The following RTCB variants were observed in gnomAD, a reference collection of about 807,000 sequenced individuals.
RTCB encodes RNA 2',3'-cyclic phosphate and 5'-OH ligase, also known as RNA-splicing ligase RTCB.
Under a neutral mutation model 58.2 loss-of-function variants are expected in RTCB, and 32 were observed. The observed-to-expected ratio is 0.55, with a 90% confidence interval of 0.41 to 0.74. The LOEUF is 0.74. Among genes scored for constraint, RTCB ranks in the 30% least tolerant of loss-of-function variants. The probability of loss-of-function intolerance (pLI) is 0.00; values close to 1 mark genes in which losing one functional copy is unlikely to be tolerated. For missense variants in RTCB, 523 were observed against 639.0 expected (o/e 0.82, Z 1.96); for synonymous variants, 247 against 218.6 (o/e 1.13, Z -1.15).
chr22:32,396,150 T>C lies in RTCB; in HGVS notation c.914A>G (p.Asp305Gly). ...AGCAGCTGCCATTCCCTTCAGATAGTCTTGACCCTCTGGGGAAGCGATTCG... is the reference window on the plus strand; with the variant it reads ...AGCAGCTGCCATTCCCTTCAGATAGCCTTGACCCTCTGGGGAAGCGATTCG... ...CARIASPEGQ[D>G]YLKGMAAAGN... The change falls in exon 8 of 12, where the codon GAC becomes GGC. Residue 305 changes from aspartate (D) to glycine (G), a missense_variant. By Grantham distance (94) the Asp-to-Gly change is moderately conservative. Transcript: ENST00000216038. 2 of 1,614,150 alleles carry C rather than the reference T, an allele frequency of 1.2e-6. No homozygotes were observed. The highest frequency in any genetic ancestry group is 1.7e-6 in the Non-Finnish European group (2 of 1,180,030).
At chr22:32,407,398 A>G (rs1486431796) in intron 3 of RTCB, 2 of 152,996 alleles carry the variant, frequency 1.3e-5, no homozygotes, top group Non-Finnish European at 2.9e-5. Flanking sequence ...TCCATTTTCA[A>G]CATCTACCTC....
intron 11 of RTCB, among the ~76,000 whole-genome samples, chr22:32,389,357 C>T (rs1288272447): frequency 6.6e-6 from 1 of 152,194 alleles, no homozygotes; most frequent in Non-Finnish European, 1.5e-5. Context: ...CTAACTTTAT[C>T]TTCCCCACAT....
At position 32,412,235 on chromosome 22, in the gene RTCB, G is replaced by A. The variant is rs988474507; in HGVS notation, c.-79C>T. ...GCGTAGTCCGGCTTCTCAGAGCACCGCCTTCCAAGAACCAAAGCGCAGGCG... is the reference window on the plus strand; with the variant it reads ...GCGTAGTCCGGCTTCTCAGAGCACCACCTTCCAAGAACCAAAGCGCAGGCG... On this transcript the variant is annotated 5_prime_UTR_variant, in exon 1 of 12. Transcript: ENST00000216038. The A allele has an allele frequency of 8.8e-6, 11 of 1,246,674 alleles. No homozygotes were observed. The African/African-American group carries it at 1.1e-4, about 12-fold the overall frequency. The allele number at this position is 1,246,674 out of a possible 1,614,324, so 77.2% of individuals were successfully genotyped here. A position where few individuals can be genotyped will look rare whatever the true frequency, so the allele number is the denominator to read the frequency against.
intron 11 of RTCB, among the ~76,000 whole-genome samples, chr22:32,391,315 A>C (rs554067798): frequency 2.0e-5 from 3 of 152,354 alleles, no homozygotes; most frequent in East Asian, 3.9e-4. Context: ...AATTTTAAAA[A>C]TAACTACAGA....
In RTCB at chr22:32,412,220, G is replaced by T; in HGVS notation, c.-64C>A. 7.4e-7 allele frequency: 1 copy of T among 1,351,492 alleles called. No homozygotes were observed. Among genetic ancestry groups the T allele is most frequent in the Non-Finnish European group, 1.0e-6 (1 of 975,366 alleles). The allele number at this position is 1,351,492 out of a possible 1,614,324, so 83.7% of individuals were successfully genotyped here. A position where few individuals can be genotyped will look rare whatever the true frequency, so the allele number is the denominator to read the frequency against. On this transcript the variant is annotated 5_prime_UTR_variant, in exon 1 of 12. Transcript: ENST00000216038. ...TGAAGAGCCGCTGCCGCGTAGTCCG[G>T]CTTCTCAGAGCACCGCCTTCCAAGA... is the stretch of plus-strand genomic sequence containing the variant.
chr22:32,388,294 CT>C (rs774684219), intron 11 of RTCB, among the ~76,000 whole-genome samples, 195 bp from the exon 12 acceptor site: 102 of 146,156 alleles, frequency 7.0e-4, no homozygotes, highest in Admixed American at 1.0e-3. Flanking sequence ...ACACTTTCAC[CT>C]TTTTTTTTTT....
chr22:32,394,223 T>C (rs903034020), intron 9 of RTCB, among the ~76,000 whole-genome samples: 3 of 152,026 alleles, frequency 2.0e-5, no homozygotes, highest in Non-Finnish European at 2.9e-5. Flanking sequence ...GCCATTCTCT[T>C]GCCTCAGCCT....
At chr22:32,401,952 C>G in intron 4 of RTCB, 49 bp from the exon 5 acceptor site, 1 of 1,579,782 alleles carries the variant, frequency 6.3e-7, no homozygotes, top group Non-Finnish European at 8.7e-7. Context: ...GGCACTGTTA[C>G]CTGCAGTTTC....
chr22:32,409,385 T>C (rs1361371252), intron 1 of RTCB, among the ~76,000 whole-genome samples: 1 of 152,248 alleles, frequency 6.6e-6, no homozygotes, highest in Non-Finnish European at 1.5e-5. Flanking sequence ...AGCTACGTAG[T>C]TGTGTGCTCA....
intron 4 of RTCB, among the ~76,000 whole-genome samples, chr22:32,402,715 C>T (rs986178674): frequency 6.6e-6 from 1 of 152,088 alleles, no homozygotes; most frequent in African/African-American, 2.4e-5. Context: ...TCCTAAAGTG[C>T]TGGGATTACA....
intron 1 of RTCB, among the ~76,000 whole-genome samples, chr22:32,411,596 T>C (rs1279047677): frequency 6.6e-6 from 1 of 152,200 alleles, no homozygotes; most frequent in African/African-American, 2.4e-5. Context: ...CAACATGCGA[T>C]ACTGAATGCT....
rs1933437254 is a variant in RTCB, at chr22:32,407,033, AAC to A, written c.241-274_241-273del. On this transcript the variant is annotated intron_variant, in intron 3 of 11. Coordinates refer to ENST00000216038, the MANE Select transcript of RTCB (RefSeq NM_014306.5). Reference sequence around the variant, plus strand: ...CCTCAAAATAACATGATATAGGAGTAACACATACTAAGTTTAATGTACTATTA... The same window carrying A: ...CCTCAAAATAACATGATATAGGAGTAACATACTAAGTTTAATGTACTATTA... Among the ~76,000 whole-genome samples, 4 of 152,184 alleles carry A rather than the reference AAC, an allele frequency of 2.6e-5. No homozygotes were observed. In the East Asian group the frequency reaches 7.7e-4, roughly 29 times the overall value.
In RTCB at chr22:32,412,082, G is replaced by C. The variant is rs1277249146; in HGVS notation, c.75C>G (p.Gly25=). The change falls in exon 1 of 12, where the codon GGC becomes GGG. Residue 25 remains glycine (G), a synonymous_variant. Coordinates refer to ENST00000216038, the MANE Select transcript of RTCB (RefSeq NM_014306.5). ...GCCTTACCTGCATGTTGGGCACGAA[G>C]CCCTTCTTGATCCTCCAGCAGTTTT... ...INKNCWRIKK[G]FVPNMQVEGV... is the part of the protein sequence containing the mutation. 6.2e-7 allele frequency: 1 copy of C among 1,608,056 alleles called. No individual in the cohort carries two copies. Among genetic ancestry groups the C allele is most frequent in the East Asian group, 2.2e-5 (1 of 44,646 alleles).
intron 7 of RTCB, among the ~76,000 whole-genome samples, chr22:32,396,560 T>C (rs1036172262): frequency 2.0e-5 from 3 of 152,238 alleles, no homozygotes; most frequent in African/African-American, 7.2e-5. Context: ...AATATGTGAA[T>C]GCATGGGAAT....
chr22:32,395,705 T>C (rs1178677739), intron 8 of RTCB, among the ~76,000 whole-genome samples: 1 of 151,932 alleles, frequency 6.6e-6, no homozygotes, highest in Non-Finnish European at 1.5e-5. Context: ...GATGTTTTTT[T>C]CTTTTGGAGA....
intron 4 of RTCB, among the ~76,000 whole-genome samples, chr22:32,403,578 G>A (rs1365382440): frequency 6.6e-6 from 1 of 152,054 alleles, no homozygotes; most frequent in Admixed American, 6.5e-5. Context: ...AAAATGTCAA[G>A]TACACAATAT....
Position 32,396,071 on chromosome 22 carries a change from T to C in RTCB, c.990+3A>G. 1 of 1,613,894 alleles carries C rather than the reference T, an allele frequency of 6.2e-7. No homozygotes were observed. The highest frequency in any genetic ancestry group is 8.5e-7 in the Non-Finnish European group (1 of 1,179,836). On this transcript the variant is annotated splice_donor_region_variant and intron_variant, in intron 8 of 11. Transcript: ENST00000216038. Reference sequence around the variant, plus strand: ...CGGAACAGAAGAGCAACTTCTACTGTACCTGACGGGTTAAGAAGGTCATGG... The same window carrying C: ...CGGAACAGAAGAGCAACTTCTACTGCACCTGACGGGTTAAGAAGGTCATGG...
In RTCB at chr22:32,392,271, C is replaced by G; in HGVS notation, c.1379G>C (p.Arg460Pro). The G allele has an allele frequency of 6.2e-7, 1 of 1,613,746 alleles. No homozygotes were observed. The highest frequency in any genetic ancestry group is 8.5e-7 in the Non-Finnish European group (1 of 1,179,932). ...DKLADMGIAI[R>P]VASPKLVMEE... ...CATAACCAGTTTGGGTGAGGCAACACGGATCGCAATTCCCATATCTGCCAA... is the reference window on the plus strand; with the variant it reads ...CATAACCAGTTTGGGTGAGGCAACAGGGATCGCAATTCCCATATCTGCCAA... Residue 460 changes from arginine (R) to proline (P), a missense_variant, in exon 11 of 12, where the codon CGT (arginine) becomes CCT (proline). Physicochemically the swap from Arg to Pro is moderately radical, Grantham distance 103. Transcript: ENST00000216038.
At chr22:32,410,555 T>C (rs1933502498) in intron 1 of RTCB, among the ~76,000 whole-genome samples, 1 of 152,136 alleles carries the variant, frequency 6.6e-6, no homozygotes, top group African/African-American at 2.4e-5. Flanking sequence ...AGTAAAGTGC[T>C]GTATACAAAC....
Sources: gnomAD v4.1 joint callset for allele counts (sites outside exome capture counted in the v4.1 genomes callset) on GRCh38, gnomAD v4.1.1 for gene constraint, MANE v1.5 for transcripts, NCBI Gene and HGNC (gene_info 2026-07-23, HGNC 2026-07-21) for gene names.